Variants in LCORL observed in about 807,000 individuals in gnomAD.
The protein encoded by LCORL is ligand-dependent nuclear receptor corepressor-like protein.
Under a neutral mutation model 141.8 loss-of-function variants are expected in LCORL, and 41 were observed. The observed-to-expected ratio is 0.29, with a 90% CI of 0.23 to 0.38. The LOEUF (loss-of-function observed/expected upper bound fraction) is 0.38. LCORL is among the 10% of genes least tolerant of loss of function. The pLI, the probability that LCORL is intolerant of heterozygous loss-of-function variation, is 1.00. For missense variants in LCORL, 1,759 were observed against 2,035.0 expected, an observed-to-expected ratio of 0.86 and a Z score of 2.61; for synonymous variants, 618 against 694.1, an observed-to-expected ratio of 0.89 and a Z score of 1.72.
chr4:17,895,432 TATTTC>T (rs1729774538), intron 5 of LCORL, among the ~76,000 whole-genome samples: 1 of 152,182 alleles, frequency 6.6e-6, no homozygotes, highest in African/African-American at 2.4e-5. Flanking sequence ...GTGCTGGACT[TATTTC>T]ATTTTACTTA....
chr4:17,934,897 AG>A (rs1299836637), intron 4 of LCORL, among the ~76,000 whole-genome samples: 2 of 152,342 alleles, frequency 1.3e-5, no homozygotes, highest in Admixed American at 1.3e-4. Flanking sequence ...TCCTCAGGCT[AG>A]AACAGAATAA....
intron 4 of LCORL, among the ~76,000 whole-genome samples, chr4:17,953,568 G>T (rs368812548): frequency 6.6e-6 from 1 of 152,230 alleles, no homozygotes; most frequent in East Asian, 1.9e-4. Flanking sequence ...GCACTTACTT[G>T]TCATCTGCAA....
At chr4:17,877,179 A>C in exon 7 of LCORL, 2 of 1,230,560 alleles carry the variant, frequency 1.6e-6, no homozygotes, top group Non-Finnish European at 2.0e-6. Flanking sequence ...ACGCTTTCGA[A>C]ATCTTGTCTG....
intron 5 of LCORL, among the ~76,000 whole-genome samples, chr4:17,906,731 G>GA (rs1731699171): frequency 6.8e-6 from 1 of 146,260 alleles, no homozygotes; most frequent in Non-Finnish European, 1.5e-5. Flanking sequence ...TCTGTTGCCA[G>GA]GCTGGAATGC....
chr4:17,934,648 C>T (rs958150497), intron 4 of LCORL, among the ~76,000 whole-genome samples: 2 of 152,216 alleles, frequency 1.3e-5, no homozygotes, highest in East Asian at 1.9e-4. Context: ...TTTTATCATT[C>T]AGTAAGTAAA....
chr4:17,845,743 T>C (rs1416244127), exon 8 of LCORL: 1 of 1,605,614 alleles, frequency 6.2e-7, no homozygotes, highest in Non-Finnish European at 8.5e-7. Flanking sequence ...GCTTTTGAGA[T>C]TTTGGTTATG....
At chr4:17,856,929 CTA>C (rs1189289181) in intron 7 of LCORL, among the ~76,000 whole-genome samples, 1 of 152,142 alleles carries the variant, frequency 6.6e-6, no homozygotes, top group Non-Finnish European at 1.5e-5. Flanking sequence ...GCTTTGTTTT[CTA>C]TGTTTGTTTT....
chr4:17,884,114 T>C lies in LCORL; in HGVS notation c.776+1954A>G, dbSNP rs1727964772. 1.9e-6 allele frequency: 3 copies of C among 1,550,594 alleles called. No individual in the cohort carries two copies. Among genetic ancestry groups the C allele is most frequent in the South Asian group, 1.2e-5 (1 of 84,034 alleles). On this transcript the variant is annotated intron_variant, in intron 6 of 7. Transcript: ENST00000635767. This position sits in a 1 kb window ranked among gnomAD's most constrained non-coding sequence, Gnocchi z 4.4. ...TAGAAAGTAAGAGTCAACACTTGAG[T>C]GAGTTACAGGCCCAGAACATTCTAT...
At position 17,877,912 on chromosome 4, in the gene LCORL, G is replaced by T. The variant is rs76884799; in HGVS notation, c.1078C>A (p.Pro360Thr). Residue 360 changes from proline to threonine, a missense_variant, in exon 7 of 8, where the codon CCT becomes ACT. Pro to Thr is a conservative substitution (Grantham distance 38, BLOSUM62 -1). Transcript: ENST00000635767. ...AAATCTTTAATACAGACTGGCAGAG[G>T]TTCTAAACCAGGGCTTTGTTTTTCG... 2,611 of 1,230,608 alleles carry T rather than the reference G, an allele frequency of 2.1e-3. 38 individuals carry two copies. The African/African-American group carries it at 0.034, about 16-fold the overall frequency. The allele number at this position is 1,230,608 out of a possible 1,614,324, so 76.2% of individuals were successfully genotyped here. A position where few individuals can be genotyped will look rare whatever the true frequency, so the allele number is the denominator to read the frequency against.
intron 1 of LCORL, among the ~76,000 whole-genome samples, chr4:17,986,119 T>A (rs1004566322): frequency 6.6e-6 from 1 of 152,252 alleles, no homozygotes; most frequent in African/African-American, 2.4e-5. Context: ...GGGTTTCTGC[T>A]GAGAGGTCTG....
At chr4:17,944,224 GTTACT>G (rs1738461104) in intron 4 of LCORL, among the ~76,000 whole-genome samples, 1 of 152,018 alleles carries the variant, frequency 6.6e-6, no homozygotes, top group Admixed American at 6.6e-5. Flanking sequence ...ATTGATTTTA[GTTACT>G]TTAAAATGTA....
At chr4:17,947,146 T>C (rs771488095) in intron 4 of LCORL, among the ~76,000 whole-genome samples, 3 of 151,986 alleles carry the variant, frequency 2.0e-5, no homozygotes, top group Admixed American at 6.6e-5. Flanking sequence ...AAAAAGAAAA[T>C]GTGGTGTGTG....
intron 1 of LCORL, among the ~76,000 whole-genome samples, chr4:17,996,025 T>C (rs768336561): frequency 3.9e-5 from 6 of 152,146 alleles, no homozygotes; most frequent in Admixed American, 6.5e-5. Context: ...TTCCAGATAC[T>C]GAATTAATTT....
At chr4:18,001,568 C>A (rs901291787) in intron 1 of LCORL, among the ~76,000 whole-genome samples, 1 of 151,878 alleles carries the variant, frequency 6.6e-6, no homozygotes, top group South Asian at 2.1e-4. Flanking sequence ...AAAAAGAAGT[C>A]AAGAAGAAAG....
At chr4:17,909,011 C>T (rs1267510519) in intron 5 of LCORL, 83 bp downstream of exon 5, 1 of 1,231,986 alleles carries the variant, frequency 8.1e-7, no homozygotes, top group Non-Finnish European at 1.1e-6. Flanking sequence ...AATAAATTTC[C>T]CTATGAATAT....
At chr4:17,843,203 C>T (rs1722591983) in exon 8 of LCORL, 1 of 1,287,534 alleles carries the variant, frequency 7.8e-7, no homozygotes, top group Non-Finnish European at 1.1e-6. Flanking sequence ...ATCAATTAAA[C>T]ACTGATAGAA....
chr4:17,855,850 T>C (rs1057126536), intron 7 of LCORL, among the ~76,000 whole-genome samples: 8 of 152,210 alleles, frequency 5.3e-5, no homozygotes, highest in African/African-American at 1.7e-4. Flanking sequence ...CTCATTTATT[T>C]AAGCTAATAA....
chr4:17,913,064 G>A, intron 4 of LCORL: 1 of 236,358 alleles, frequency 4.2e-6, no homozygotes, highest in South Asian at 6.4e-5. Flanking sequence ...CATTTTAAAG[G>A]ATGAGATGAT....
At chr4:17,976,563 T>G (rs566550524) in intron 1 of LCORL, among the ~76,000 whole-genome samples, 45 of 152,254 alleles carry the variant, frequency 3.0e-4, no homozygotes, top group African/African-American at 1.1e-3. Flanking sequence ...CAAATCTCAT[T>G]ATATATAACT....
Sources: allele counts gnomAD v4.1 joint callset (sites outside exome capture counted in the v4.1 genomes callset), GRCh38; gene constraint gnomAD v4.1.1; non-coding constraint Gnocchi (gnomAD v3.1); transcripts MANE v1.5; gene names NCBI Gene and HGNC (gene_info 2026-07-23, HGNC 2026-07-21).